Variants in COL4A1 observed in about 807,000 individuals in gnomAD.
COL4A1 encodes collagen type IV alpha 1 chain.
A neutral mutation model predicts 216.6 loss-of-function variants in COL4A1; 40 were observed. That is an observed-to-expected ratio of 0.18 (90% CI 0.14 to 0.24). The LOEUF is 0.24. COL4A1 is among the 10% of genes least tolerant of loss of function. COL4A1 has a pLI of 1.00. For missense variants in COL4A1, 1,628 were observed against 2,196.8 expected, an observed-to-expected ratio of 0.74 and a Z score of 5.18; for synonymous variants, 839 against 810.7, an observed-to-expected ratio of 1.03 and a Z score of -0.59.
intron 49 of COL4A1, among the ~76,000 whole-genome samples, chr13:110,160,123 A>G (rs1191312244): frequency 1.3e-5 from 2 of 152,244 alleles, no homozygotes; most frequent in Non-Finnish European, 2.9e-5. Flanking sequence ...TGTCCATTTT[A>G]CCAAAATTAA....
At chr13:110,176,749 A>C (rs2139162813) in intron 34 of COL4A1, 25 bp from the exon 35 acceptor site, 1 of 1,613,754 alleles carries the variant, frequency 6.2e-7, no homozygotes, top group East Asian at 2.2e-5. Flanking sequence ...AGAAAATAGC[A>C]ATGACCCGCA....
intron 4 of COL4A1, 152 bp from the exon 5 acceptor site, chr13:110,212,770 G>A (rs946845999): frequency 1.5e-5 from 13 of 876,902 alleles, no homozygotes; most frequent in African/African-American, 5.1e-5. Flanking sequence ...AGGCAGCAGA[G>A]GGCACAGCCT....
intron 2 of COL4A1, among the ~76,000 whole-genome samples, chr13:110,234,163 T>C (rs1462482367): frequency 1.3e-5 from 2 of 152,214 alleles, no homozygotes; most frequent in African/African-American, 2.4e-5. Flanking sequence ...AATTTCCAGG[T>C]CAGGGCATAA....
chr13:110,293,987 T>C (rs1393805072), intron 1 of COL4A1, among the ~76,000 whole-genome samples: 1 of 152,222 alleles, frequency 6.6e-6, no homozygotes, highest in Admixed American at 6.5e-5. Context: ...CCAGGAAACC[T>C]GGTAAGCCTT....
At chr13:110,199,029 T>G (rs1411190457) in intron 20 of COL4A1, among the ~76,000 whole-genome samples, 1 of 152,172 alleles carries the variant, frequency 6.6e-6, no homozygotes, top group African/African-American at 2.4e-5. Flanking sequence ...GGGTTGGCAA[T>G]CTAGAAGAAA....
At chr13:110,263,137 A>T (rs1882894511) in intron 1 of COL4A1, among the ~76,000 whole-genome samples, 1 of 152,194 alleles carries the variant, frequency 6.6e-6, no homozygotes, top group Non-Finnish European at 1.5e-5. Flanking sequence ...AGCCAAGAAT[A>T]CACAGTGTAT....
intron 40 of COL4A1, 25 bp from the exon 41 acceptor site, chr13:110,172,795 C>T (rs374904692): frequency 3.0e-5 from 49 of 1,607,162 alleles, no homozygotes; most frequent in Non-Finnish European, 4.0e-5. Context: ...TAAAATGCCA[C>T]GTTTCTCTTT....
intron 49 of COL4A1, among the ~76,000 whole-genome samples, chr13:110,155,810 G>A (rs1277564375): frequency 2.6e-5 from 4 of 152,222 alleles, no homozygotes; most frequent in South Asian, 4.1e-4. Context: ...TACTCGGGAG[G>A]CTGAGGCAGG....
chr13:110,192,934 G>C (rs368597293), intron 22 of COL4A1, 21 bp from the exon 23 acceptor site: 2 of 1,608,150 alleles, frequency 1.2e-6, no homozygotes, highest in African/African-American at 2.7e-5. Flanking sequence ...AAACACAAAG[G>C]TGCTTACGTG....
intron 51 of COL4A1, among the ~76,000 whole-genome samples, chr13:110,150,859 C>T (rs1195599863): frequency 6.6e-6 from 1 of 152,196 alleles, no homozygotes; most frequent in Non-Finnish European, 1.5e-5. Context: ...TTCTCTGCAA[C>T]ACTTTACACA....
rs1325168527 is a variant in COL4A1 at position 110,268,582 on chromosome 13, G to A, written c.85-25848C>T. Among the ~76,000 whole-genome samples the A allele has an allele frequency of 6.6e-6, 1 of 152,226 alleles. No individual in the cohort carries two copies. The highest frequency in any genetic ancestry group is 1.5e-5 in the Non-Finnish European group (1 of 68,038). ...TTCAGGGTGGTGTGGCAGGGAAAATGCTTTTGAGCTTCAAGCCTCAGTTAA... is the reference window on the plus strand; with the variant it reads ...TTCAGGGTGGTGTGGCAGGGAAAATACTTTTGAGCTTCAAGCCTCAGTTAA... On this transcript the variant is annotated intron_variant, in intron 1 of 51. Coordinates refer to ENST00000375820, the MANE Select transcript of COL4A1 (RefSeq NM_001845.6). This position sits in a 1 kb window ranked among gnomAD's most constrained non-coding sequence, Gnocchi z 4.1.
At chr13:110,150,829 G>A (rs180926979) in intron 51 of COL4A1, among the ~76,000 whole-genome samples, 98 of 152,256 alleles carry the variant, frequency 6.4e-4, no homozygotes, top group Non-Finnish European at 1.1e-3. Flanking sequence ...CTCCTCCAGG[G>A]TAAGAAGAAG....
chr13:110,291,120 C>T (rs1254607564), intron 1 of COL4A1, among the ~76,000 whole-genome samples: 1 of 152,234 alleles, frequency 6.6e-6, no homozygotes, highest in East Asian at 1.9e-4. Flanking sequence ...TGTCCGAGAA[C>T]ACTGGGGCTT....
chr13:110,179,243 C>T, intron 30 of COL4A1, 28 bp downstream of exon 30: 1 of 1,613,954 alleles, frequency 6.2e-7, no homozygotes. Context: ...GTCCTCGAAA[C>T]CCTCCAGACT....
intron 1 of COL4A1, among the ~76,000 whole-genome samples, chr13:110,286,690 T>C (rs1363248690): frequency 6.6e-6 from 1 of 151,904 alleles, no homozygotes; most frequent in Non-Finnish European, 1.5e-5. Context: ...ATCCCAAAGG[T>C]GAACAAACCA....
At position 110,155,227 on chromosome 13, in the gene COL4A1, TA is replaced by T. The variant is rs1157890565; in HGVS notation, c.4755+55del. ...TGTGGAGGCACCAGACAGAGGCGACTATGGGGCGTGAGTGGGGCTCTTCCCG... is the reference window on the plus strand; with the variant it reads ...TGTGGAGGCACCAGACAGAGGCGACTTGGGGCGTGAGTGGGGCTCTTCCCG... On this transcript the variant is annotated intron_variant, in intron 50 of 51. Transcript: ENST00000375820. 1.4e-5 allele frequency: 18 copies of T among 1,313,938 alleles called. No homozygotes were observed. The African/African-American group carries it at 2.5e-4, about 18-fold the overall frequency. 81.4% of individuals were successfully genotyped at this position (1,313,938 alleles called of 1,614,324 possible).
At chr13:110,218,949 C>A (rs1880235049) in intron 2 of COL4A1, among the ~76,000 whole-genome samples, 1 of 152,230 alleles carries the variant, frequency 6.6e-6, no homozygotes, top group African/African-American at 2.4e-5. Context: ...TGGGTGACTG[C>A]AGAACTCTTT....
At chr13:110,245,215 C>G (rs909877103) in intron 1 of COL4A1, among the ~76,000 whole-genome samples, 1 of 152,178 alleles carries the variant, frequency 6.6e-6, no homozygotes, top group Non-Finnish European at 1.5e-5. Flanking sequence ...CACCTGGAGC[C>G]GTCCAGACCA....
chr13:110,156,669 C>T (rs1876800727), intron 49 of COL4A1, among the ~76,000 whole-genome samples: 1 of 152,122 alleles, frequency 6.6e-6, no homozygotes, highest in Non-Finnish European at 1.5e-5. Context: ...TGGGATAATG[C>T]TTTGTTTAAA....
Sources: allele counts gnomAD v4.1 joint callset (sites outside exome capture counted in the v4.1 genomes callset), GRCh38; gene constraint gnomAD v4.1.1; non-coding constraint Gnocchi (gnomAD v3.1); transcripts MANE v1.5; gene names NCBI Gene and HGNC (gene_info 2026-07-23, HGNC 2026-07-21).